Variants in TSHZ2 observed in about 807,000 individuals in gnomAD.
TSHZ2 encodes the protein teashirt zinc finger homeobox 2, also known as teashirt homolog 2.
TSHZ2 carries 21 observed loss-of-function variants against 74.4 expected under a neutral mutation model. The ratio of observed to expected loss-of-function variants is 0.28; its 90% confidence interval spans 0.20 to 0.41. The LOEUF is 0.41. Ranked by LOEUF, TSHZ2 falls within the 10% of genes least tolerant of loss-of-function variation. TSHZ2 has a pLI of 1.00. For synonymous variants in TSHZ2, 540 were observed against 515.3 expected (o/e 1.05, Z -0.65); for missense variants, 1,244 against 1,293.5 (o/e 0.96, Z 0.59).
At chr20:53,045,892 C>T (rs918334410) in intron 1 of TSHZ2, among the ~76,000 whole-genome samples, 8 of 152,188 alleles carry the variant, frequency 5.3e-5, no homozygotes, top group African/African-American at 1.9e-4. Flanking sequence ...AACTTACACA[C>T]ACAAAAATGG....
At chr20:53,089,127 T>C (rs1985793443) in intron 1 of TSHZ2, among the ~76,000 whole-genome samples, 1 of 151,400 alleles carries the variant, frequency 6.6e-6, no homozygotes, top group Non-Finnish European at 1.5e-5. Context: ...ATCTCCCCAT[T>C]ATGTTCAACA....
At chr20:53,443,438 TCAAGAAATTCTGG>T (rs1414326511) in intron 2 of TSHZ2, among the ~76,000 whole-genome samples, 2 of 152,134 alleles carry the variant, frequency 1.3e-5, no homozygotes, top group Non-Finnish European at 1.5e-5. Flanking sequence ...GGAGAAAAAT[TCAAGAAATTCTGG>T]CCTCCATTTT....
intron 1 of TSHZ2, among the ~76,000 whole-genome samples, chr20:53,146,722 T>G (rs1307780298): frequency 6.6e-6 from 1 of 152,158 alleles, no homozygotes; most frequent in African/African-American, 2.4e-5. Context: ...TCCCCATTGG[T>G]AGGCAAGTCA....
At chr20:53,291,706 G>A (rs1021086068) in intron 2 of TSHZ2, among the ~76,000 whole-genome samples, 1 of 152,054 alleles carries the variant, frequency 6.6e-6, no homozygotes, top group Non-Finnish European at 1.5e-5. Context: ...CTGGACGTTT[G>A]ACTTTCCTAT....
chr20:53,029,483 A>C (rs575940860), intron 1 of TSHZ2, among the ~76,000 whole-genome samples: 3 of 152,118 alleles, frequency 2.0e-5, no homozygotes, highest in Admixed American at 6.5e-5. Context: ...CGAGACCAGC[A>C]TGGCCAACAT....
chr20:53,276,653 T>C (rs1990952116), intron 2 of TSHZ2, among the ~76,000 whole-genome samples: 1 of 152,214 alleles, frequency 6.6e-6, no homozygotes, highest in Non-Finnish European at 1.5e-5. Context: ...AACTTGACTG[T>C]ACATCGCAAT....
intron 1 of TSHZ2, among the ~76,000 whole-genome samples, chr20:52,990,641 C>T (rs1981948099): frequency 6.6e-6 from 1 of 152,060 alleles, no homozygotes; most frequent in South Asian, 2.1e-4. Flanking sequence ...GGAAGAGCCC[C>T]CCGGATTTTG....
chr20:53,397,236 G>C (rs1982484045), intron 2 of TSHZ2, among the ~76,000 whole-genome samples: 4 of 152,106 alleles, frequency 2.6e-5, no homozygotes, highest in Non-Finnish European at 5.9e-5. Flanking sequence ...TCTGACAGAG[G>C]GCTAATATCC....
intron 2 of TSHZ2, among the ~76,000 whole-genome samples, chr20:53,405,400 A>G (rs1264003949): frequency 2.0e-5 from 3 of 152,222 alleles, no homozygotes; most frequent in East Asian, 1.9e-4. Context: ...GGACTGACAT[A>G]TATTATTTGA....
chr20:53,026,161 G>A (rs1462172701), intron 1 of TSHZ2, among the ~76,000 whole-genome samples: 2 of 151,892 alleles, frequency 1.3e-5, no homozygotes, highest in African/African-American at 2.4e-5. Flanking sequence ...GAATTCAGAG[G>A]CAGGTTCCAT....
At chr20:53,484,407 A>G (rs1419342491) in intron 2 of TSHZ2, among the ~76,000 whole-genome samples, 2 of 140,100 alleles carry the variant, frequency 1.4e-5, no homozygotes, top group Admixed American at 7.3e-5. Context: ...TTTTTTTAAG[A>G]CAGAGTCTCA....
chr20:53,248,281 C>T (rs889939128), intron 1 of TSHZ2, among the ~76,000 whole-genome samples: 1 of 151,632 alleles, frequency 6.6e-6, no homozygotes, highest in Non-Finnish European at 1.5e-5. Context: ...CTATGTGGCA[C>T]AGGCTGGTCT....
intron 2 of TSHZ2, among the ~76,000 whole-genome samples, chr20:53,359,100 A>AT (rs937693987): frequency 1.3e-5 from 2 of 152,010 alleles, no homozygotes; most frequent in Admixed American, 6.6e-5. Flanking sequence ...TGTAAGTACT[A>AT]TTTTTTTGGA....
At chr20:53,326,039 C>T (rs1010444662) in intron 2 of TSHZ2, among the ~76,000 whole-genome samples, 1 of 152,178 alleles carries the variant, frequency 6.6e-6, no homozygotes, top group African/African-American at 2.4e-5. Context: ...TCCTCAGCCT[C>T]CCAAAGTGCT....
chr20:53,191,960 C>T (rs1201176949), intron 1 of TSHZ2, among the ~76,000 whole-genome samples: 1 of 151,978 alleles, frequency 6.6e-6, no homozygotes, highest in African/African-American at 2.4e-5. Context: ...TTTTATTTTG[C>T]TTTGGTTCCA....
chr20:53,213,573 CAG>C (rs900106806), intron 1 of TSHZ2, among the ~76,000 whole-genome samples: 1 of 151,738 alleles, frequency 6.6e-6, no homozygotes, highest in South Asian at 2.1e-4. Flanking sequence ...ACACGAGAGA[CAG>C]AGAGAGAGAA....
chr20:53,006,726 T>C (rs1228813824), intron 1 of TSHZ2, among the ~76,000 whole-genome samples: 2 of 152,366 alleles, frequency 1.3e-5, no homozygotes, highest in Admixed American at 1.3e-4. Context: ...GATTTAGAGA[T>C]ACATGTAGTC....
intron 2 of TSHZ2, among the ~76,000 whole-genome samples, chr20:53,460,539 C>T (rs1218517418): frequency 6.6e-6 from 1 of 152,208 alleles, no homozygotes; most frequent in African/African-American, 2.4e-5. Flanking sequence ...AAGCCTTCTT[C>T]TCTCAGCTCA....
intron 2 of TSHZ2, among the ~76,000 whole-genome samples, chr20:53,468,527 C>A (rs554138152): frequency 1.3e-5 from 2 of 152,146 alleles, no homozygotes; most frequent in Admixed American, 6.6e-5. Context: ...TTGCGTTCAA[C>A]AGCCATTTTG....
Sources: allele counts gnomAD v4.1 joint callset (sites outside exome capture counted in the v4.1 genomes callset), GRCh38; gene constraint gnomAD v4.1.1; transcripts MANE v1.5; gene names NCBI Gene and HGNC (gene_info 2026-07-23, HGNC 2026-07-21).